BLOC1S2: variants seen among roughly 807,000 people sequenced by gnomAD.
BLOC1S2 encodes biogenesis of lysosome-related organelles complex 1 subunit 2.
In BLOC1S2, 12 loss-of-function variants were observed where a neutral mutation model predicts 19.6. The ratio of observed to expected loss-of-function variants is 0.61; its 90% CI spans 0.39 to 0.99. The LOEUF (loss-of-function observed/expected upper bound fraction) is 0.99. BLOC1S2 is among the 50% of genes least tolerant of loss of function. The pLI is 0.00. For synonymous variants in BLOC1S2, 66 were observed against 64.1 expected (o/e 1.03, Z -0.14); for missense variants, 142 against 171.0 (o/e 0.83, Z 0.95).
chr10:100,281,073 A>G lies in BLOC1S2; in HGVS notation c.173-20T>C, dbSNP rs771118323. 6.2e-7 allele frequency: 1 copy of G among 1,610,938 alleles called. No homozygotes were observed. The highest frequency in any genetic ancestry group is 8.5e-7 in the Non-Finnish European group (1 of 1,178,648). ...TGGTGGCTTGAAAATTAAACAGAAG[A>G]TGTAATGTCTTTAAGATTTGTCTTA... On this transcript the variant is annotated intron_variant, in intron 2 of 4. Transcript: ENST00000370372.
chr10:100,277,900 C>T (rs1847966876), intron 4 of BLOC1S2, among the ~76,000 whole-genome samples: 1 of 112,926 alleles, frequency 8.9e-6, no homozygotes, highest in African/African-American at 3.7e-5. Flanking sequence ...CAGCCCCCCG[C>T]CTGGCCAGCC....
At chr10:100,275,875 G>GT (rs1847836363) in intron 4 of BLOC1S2, among the ~76,000 whole-genome samples, 3 of 152,310 alleles carry the variant, frequency 2.0e-5, no homozygotes, top group African/African-American at 7.2e-5. Context: ...AAGTATAAAT[G>GT]TATGTTTCCT....
In BLOC1S2 at chr10:100,280,133, T is replaced by C. The variant is rs1848066544; in HGVS notation, c.388A>G (p.Lys130Glu). The C allele has an allele frequency of 1.2e-6, 2 of 1,613,112 alleles. No homozygotes were observed. Among genetic ancestry groups the C allele is most frequent in the Admixed American group, 1.7e-5 (1 of 59,876 alleles). Residue 130 changes from lysine to glutamate, a missense_variant, in exon 4 of 5, where the codon AAA (lysine) becomes GAA (glutamate). Around this residue, in one of 2 missense-constraint regions of BLOC1S2, gnomAD observed 94 missense variants for 141.3 expected, o/e 0.67. Transcript: ENST00000370372. ...QAAYKLDAYS[K>E]KLEAKYKKLE... ...AAGTAAAAACGGTTACCCAGTTTTT[T>C]TGAATATGCATCCAACTTGTAAGCT...
At chr10:100,280,842 C>A in intron 3 of BLOC1S2, 92 bp downstream of exon 3, 1 of 1,418,986 alleles carries the variant, frequency 7.0e-7, no homozygotes, top group Non-Finnish European at 9.2e-7. Flanking sequence ...TCCCACAAGA[C>A]AAGGATGTCA....
chr10:100,283,529 C>A (rs1564874365), intron 2 of BLOC1S2, among the ~76,000 whole-genome samples: 1 of 148,064 alleles, frequency 6.8e-6, no homozygotes, highest in Non-Finnish European at 1.5e-5. Context: ...CTCTCTCCCC[C>A]ATATCTACAC....
At chr10:100,286,500 C>T in intron 1 of BLOC1S2, 105 bp downstream of exon 1, 1 of 1,538,966 alleles carries the variant, frequency 6.5e-7, no homozygotes. Context: ...ACTCCTCTCA[C>T]CAGCCCGTTC....
intron 2 of BLOC1S2, among the ~76,000 whole-genome samples, chr10:100,284,057 A>C (rs1848175974): frequency 6.6e-6 from 1 of 152,214 alleles, no homozygotes; most frequent in Non-Finnish European, 1.5e-5. Context: ...CCCATCATTT[A>C]CTTTACCAGT....
chr10:100,283,872 G>A (rs533383056), intron 2 of BLOC1S2, among the ~76,000 whole-genome samples: 7 of 151,998 alleles, frequency 4.6e-5, no homozygotes, highest in African/African-American at 7.2e-5. Flanking sequence ...CGAAAACTCC[G>A]TCTAAATAAA....
chr10:100,277,943 C>T (rs1278990798), intron 4 of BLOC1S2, among the ~76,000 whole-genome samples: 44 of 95,946 alleles, frequency 4.6e-4, no homozygotes, highest in East Asian at 6.1e-4. Flanking sequence ...CGCCTCTGCC[C>T]GGCCGCCCCT....
chr10:100,275,595 A>G, intron 4 of BLOC1S2, 102 bp from the exon 5 acceptor site: 1 of 1,028,076 alleles, frequency 9.7e-7, no homozygotes, highest in African/African-American at 1.6e-5. Context: ...GTATAATATT[A>G]CTAAAAATCT....
intron 2 of BLOC1S2, among the ~76,000 whole-genome samples, chr10:100,284,477 G>C (rs768513993): frequency 6.6e-6 from 1 of 152,114 alleles, no homozygotes; most frequent in Non-Finnish European, 1.5e-5. Context: ...CTTGGGCAAC[G>C]GAGCAGACCT....
At chr10:100,282,809 T>C in intron 2 of BLOC1S2, 1 of 398,054 alleles carries the variant, frequency 2.5e-6, no homozygotes, top group East Asian at 3.6e-5. Context: ...AATTATATAA[T>C]AAATCATTTG....
At chr10:100,279,748 G>A (rs1003490360) in intron 4 of BLOC1S2, among the ~76,000 whole-genome samples, 81 of 152,152 alleles carry the variant, frequency 5.3e-4, no homozygotes, top group African/African-American at 1.8e-3. Context: ...GTGGTGGCGC[G>A]CCTGTAATCC....
At chr10:100,286,283 C>G (rs1026142150) in intron 1 of BLOC1S2, 70 bp from the exon 2 acceptor site, 1 of 1,551,466 alleles carries the variant, frequency 6.4e-7, no homozygotes, top group Middle Eastern at 1.8e-4. Context: ...CAGCCTGTTC[C>G]GACATCCCTC....
At chr10:100,286,546 A>T (rs1589654380) in intron 1 of BLOC1S2, 59 bp downstream of exon 1, 1 of 1,601,690 alleles carries the variant, frequency 6.2e-7, no homozygotes, top group Non-Finnish European at 8.5e-7. Context: ...AACCTCGCCC[A>T]CCCGAGACGG....
intron 4 of BLOC1S2, 39 bp from the exon 5 acceptor site, chr10:100,275,532 G>C: frequency 6.3e-7 from 1 of 1,577,216 alleles, no homozygotes; most frequent in Non-Finnish European, 8.6e-7. Context: ...TTTAAAACTG[G>C]CTCTTACAAA....
chr10:100,280,365 A>C lies in BLOC1S2; in HGVS notation c.293-137T>G, dbSNP rs41290538. On this transcript the variant is annotated intron_variant, in intron 3 of 4. Transcript: ENST00000370372. ...TAGGTGGCGTGACATGATTCTGAGCACTAGCAGGGCAGATGCTTTAGAAGA... is the reference window on the plus strand; with the variant it reads ...TAGGTGGCGTGACATGATTCTGAGCCCTAGCAGGGCAGATGCTTTAGAAGA... 8.7e-3 allele frequency: 6,014 copies of C among 692,396 alleles called. 39 individuals are homozygous for C. Among genetic ancestry groups the C allele is most frequent in the Non-Finnish European group, 0.012 (5,207 of 440,148 alleles). 42.9% of individuals were successfully genotyped at this position (692,396 alleles called of 1,614,324 possible).
rs556185335 is a variant in BLOC1S2, at chr10:100,275,157, A to G, written c.*305T>C. 7.4e-6 allele frequency: 3 copies of G among 406,480 alleles called. No homozygotes were observed. Among genetic ancestry groups the G allele is most frequent in the African/African-American group, 4.1e-5 (2 of 48,914 alleles). The allele number at this position is 406,480 out of a possible 1,614,324, so 25.2% of individuals were successfully genotyped here. ...ACTACCAGAGAAAATAGGTCCTCTC[A>G]TTTGATTTTACTGGTAAGTCCAGCT... On this transcript the variant is annotated 3_prime_UTR_variant, in exon 5 of 5. Transcript: ENST00000370372.
chr10:100,284,095 C>G (rs1036199650), intron 2 of BLOC1S2, among the ~76,000 whole-genome samples: 10 of 152,140 alleles, frequency 6.6e-5, no homozygotes, highest in African/African-American at 2.4e-4. Context: ...TATAGAAAAC[C>G]ATTTCTGTAC....
Sources: allele counts gnomAD v4.1 joint callset (sites outside exome capture counted in the v4.1 genomes callset), GRCh38; gene constraint gnomAD v4.1.1; regional missense constraint gnomAD v4.1.1; transcripts MANE v1.5; gene names NCBI Gene and HGNC (gene_info 2026-07-23, HGNC 2026-07-21).